The following ITGB8 variants were observed in gnomAD, a reference collection of about 807,000 sequenced individuals.
The protein encoded by ITGB8 is integrin subunit beta 8.
ITGB8 carries 30 observed loss-of-function variants against 89.5 expected under a neutral mutation model. The observed-to-expected ratio is 0.34, with a 90% CI of 0.25 to 0.45. The LOEUF (loss-of-function observed/expected upper bound fraction) is 0.45. ITGB8 is among the 20% of genes least tolerant of loss of function. The pLI, the probability that ITGB8 is intolerant of heterozygous loss-of-function variation, is 1.00. For missense variants in ITGB8, 836 were observed against 933.3 expected, an observed-to-expected ratio of 0.90 and a Z score of 1.36; for synonymous variants, 335 against 320.4, an observed-to-expected ratio of 1.05 and a Z score of -0.49.
At chr7:20,358,411 A>AT (rs1242612161) in intron 1 of ITGB8, among the ~76,000 whole-genome samples, 4 of 149,134 alleles carry the variant, frequency 2.7e-5, no homozygotes, top group South Asian at 2.1e-4. Flanking sequence ...TATTAGCATC[A>AT]TTTTTTTCTT....
intron 1 of ITGB8, among the ~76,000 whole-genome samples, chr7:20,344,116 GA>G (rs2128128585): frequency 6.6e-6 from 1 of 152,138 alleles, no homozygotes; most frequent in Non-Finnish European, 1.5e-5. Context: ...TGAGCCTGAG[GA>G]ACTGTGTGGG....
At chr7:20,344,512 T>C (rs1271522457) in intron 1 of ITGB8, among the ~76,000 whole-genome samples, 1 of 152,224 alleles carries the variant, frequency 6.6e-6, no homozygotes, top group Admixed American at 6.5e-5. Context: ...TTTAAATGTG[T>C]GCGTAAAGAC....
intron 9 of ITGB8, among the ~76,000 whole-genome samples, chr7:20,401,289 GT>G (rs1787301141): frequency 6.6e-6 from 1 of 152,094 alleles, no homozygotes. Context: ...TCATCTCAGG[GT>G]TTTAAACCAG....
Position 20,404,656 on chromosome 7 carries a change from C to T in ITGB8, c.1716C>T (p.Cys572=), listed in dbSNP as rs371908915. ...AGHGECEAGR[C]QCFSGWEGDR... ...ATGGAGAGTGTGAAGCAGGCAGATG[C>T]CAATGCTTCAGTGGCTGGGAAGGTG... Residue 572 remains cysteine (C), a synonymous_variant, in exon 11 of 14, where the codon TGC becomes TGT. Transcript: ENST00000222573. The T allele has an allele frequency of 7.4e-6, 12 of 1,613,892 alleles. No homozygotes were observed. The African/African-American group carries it at 1.5e-4, about 20-fold the overall frequency.
intron 2 of ITGB8, chr7:20,366,101 G>C (rs1217415578): frequency 6.6e-6 from 1 of 152,080 alleles, no homozygotes; most frequent in Non-Finnish European, 1.5e-5. Flanking sequence ...ATAAGTAATT[G>C]GAAAATAATT....
intron 1 of ITGB8, among the ~76,000 whole-genome samples, chr7:20,341,657 T>C (rs1784758950): frequency 6.6e-6 from 1 of 152,190 alleles, no homozygotes; most frequent in African/African-American, 2.4e-5. Flanking sequence ...TGTGGCCCAC[T>C]GAAGACAGCA....
chr7:20,330,510 G>A (rs1431413214), upstream of ITGB8, among the ~76,000 whole-genome samples: 1 of 152,188 alleles, frequency 6.6e-6, no homozygotes, highest in African/African-American at 2.4e-5. Flanking sequence ...AGGGAGAAGG[G>A]AACGAGGCGT....
chr7:20,390,052 G>A (rs79180837), intron 6 of ITGB8, among the ~76,000 whole-genome samples: 2,855 of 152,174 alleles, frequency 0.019, 45 homozygotes, highest in Non-Finnish European at 0.027. Flanking sequence ...TAGAACTTAC[G>A]TTATAAGTGA....
rs191327134 is a variant in ITGB8 at position 20,339,756 on chromosome 7, G to A, written c.127+7823G>A. On this transcript the variant is annotated intron_variant, in intron 1 of 13. Transcript: ENST00000222573. Reference sequence around the variant, plus strand: ...TAAAAGTTCATTTTAGGCCAGGCGCGGTGGCTCACATCTGTAATCTCAGCA... The same window carrying A: ...TAAAAGTTCATTTTAGGCCAGGCGCAGTGGCTCACATCTGTAATCTCAGCA... 1.7e-3 allele frequency among the ~76,000 whole-genome samples: 265 copies of A among 152,238 alleles called. 1 individual carries two copies. Among genetic ancestry groups the A allele is most frequent in the African/African-American group, 6.1e-3 (252 of 41,542 alleles).
At chr7:20,372,950 C>A (rs1255798036) in intron 3 of ITGB8, among the ~76,000 whole-genome samples, 1 of 152,116 alleles carries the variant, frequency 6.6e-6, no homozygotes, top group East Asian at 1.9e-4. Flanking sequence ...TTGGCAACCC[C>A]AGATATATAG....
At chr7:20,408,983 A>G (rs979140226) in intron 12 of ITGB8, among the ~76,000 whole-genome samples, 3 of 152,214 alleles carry the variant, frequency 2.0e-5, no homozygotes, top group Admixed American at 2.0e-4. Context: ...ATGAAGAATG[A>G]TATTTTCATG....
Position 20,398,854 on chromosome 7 carries a change from C to G in ITGB8, c.1147-6C>G. On this transcript the variant is annotated splice_polypyrimidine_tract_variant and splice_region_variant and intron_variant, in intron 8 of 13. Coordinates refer to ENST00000222573, the MANE Select transcript of ITGB8 (RefSeq NM_002214.3). ...CGTATGTAATTTAAAAATAATGTCTCTGCAGAAGCTCATTTCAGAAGTGAA... is the reference window on the plus strand; with the variant it reads ...CGTATGTAATTTAAAAATAATGTCTGTGCAGAAGCTCATTTCAGAAGTGAA... The G allele has an allele frequency of 6.4e-7, 1 of 1,567,640 alleles. No individual in the cohort carries two copies. The highest frequency in any genetic ancestry group is 8.6e-7 in the Non-Finnish European group (1 of 1,158,732).
Position 20,401,706 on chromosome 7 carries a change from T to G in ITGB8, c.1282-15T>G. On this transcript the variant is annotated splice_polypyrimidine_tract_variant and intron_variant, in intron 9 of 13. Coordinates refer to ENST00000222573, the MANE Select transcript of ITGB8 (RefSeq NM_002214.3). ...AAGGTATATAAATATATTTCCTTTT[T>G]CCTCCTAAATTTAGGTTCTTTTCAA... 6.8e-7 allele frequency: 1 copy of G among 1,476,334 alleles called. No homozygotes were observed. Among genetic ancestry groups the G allele is most frequent in the Non-Finnish European group, 9.1e-7 (1 of 1,103,850 alleles). 91.5% of individuals were successfully genotyped at this position (1,476,334 alleles called of 1,614,324 possible).
chr7:20,336,875 T>A (rs2128125404), intron 1 of ITGB8, among the ~76,000 whole-genome samples: 1 of 152,334 alleles, frequency 6.6e-6, no homozygotes, highest in East Asian at 1.9e-4. Context: ...TTGAGGATAA[T>A]AGTGAGCAAT....
At chr7:20,403,996 T>C (rs1481978267) in intron 10 of ITGB8, among the ~76,000 whole-genome samples, 1 of 152,174 alleles carries the variant, frequency 6.6e-6, no homozygotes, top group Non-Finnish European at 1.5e-5. Flanking sequence ...ACACACACCA[T>C]CTTTCTTTCT....
chr7:20,383,403 T>G (rs1786480976), intron 6 of ITGB8, among the ~76,000 whole-genome samples: 1 of 152,198 alleles, frequency 6.6e-6, no homozygotes, highest in Admixed American at 6.5e-5. Context: ...TTCTACTTAG[T>G]CATTTCTTAT....
intron 9 of ITGB8, among the ~76,000 whole-genome samples, chr7:20,399,517 T>A: frequency 6.7e-6 from 1 of 148,426 alleles, no homozygotes. Flanking sequence ...TAGAAGGAGG[T>A]AGGGAAATTT....
intron 11 of ITGB8, 150 bp from the exon 12 acceptor site, chr7:20,405,912 C>A: frequency 1.8e-6 from 1 of 558,950 alleles, no homozygotes; most frequent in Non-Finnish European, 3.2e-6. Context: ...TGCAATCCTT[C>A]GATGTAATGA....
At position 20,380,506 on chromosome 7, in the gene ITGB8, C is replaced by T. The variant is rs1786334976; in HGVS notation, c.636-160C>T. On this transcript the variant is annotated intron_variant, in intron 4 of 13. Coordinates refer to ENST00000222573, the MANE Select transcript of ITGB8 (RefSeq NM_002214.3). ...CAAAGAAATTGTCATCAGCATTGAGCTTATCTCTAATTTTATAAGCATAGA... is the reference window on the plus strand; with the variant it reads ...CAAAGAAATTGTCATCAGCATTGAGTTTATCTCTAATTTTATAAGCATAGA... The T allele has an allele frequency of 5.0e-6, 3 of 599,924 alleles. No individual in the cohort carries two copies. The South Asian group carries it at 6.4e-5, about 13-fold the overall frequency. The allele number at this position is 599,924 out of a possible 1,614,324, so 37.2% of individuals were successfully genotyped here.
Sources: gnomAD v4.1 joint callset for allele counts (sites outside exome capture counted in the v4.1 genomes callset) on GRCh38, gnomAD v4.1.1 for gene constraint, MANE v1.5 for transcripts, NCBI Gene and HGNC (gene_info 2026-07-23, HGNC 2026-07-21) for gene names.